The following PEX5L variants were observed in gnomAD, a reference collection of about 807,000 sequenced individuals.
PEX5L encodes PEX5-related protein.
PEX5L carries 30 observed loss-of-function variants against 84.0 expected under a neutral mutation model. The ratio of observed to expected loss-of-function variants is 0.36; its 90% CI spans 0.27 to 0.48. PEX5L has a LOEUF of 0.48. Ranked by LOEUF, PEX5L falls within the 20% of genes least tolerant of loss-of-function variation. The pLI, the probability that PEX5L is intolerant of heterozygous loss-of-function variation, is 0.99. For missense variants in PEX5L, 533 were observed against 754.6 expected (o/e 0.71, Z 3.44); for synonymous variants, 270 against 283.1 (o/e 0.95, Z 0.46).
intron 2 of PEX5L, among the ~76,000 whole-genome samples, chr3:179,950,174 C>T (rs1200246610): frequency 6.6e-6 from 1 of 152,194 alleles, no homozygotes. Context: ...TTTCCCACTG[C>T]CCTGTGGTGC....
At chr3:180,011,109 C>T (rs528650992) in intron 1 of PEX5L, among the ~76,000 whole-genome samples, 1 of 152,310 alleles carries the variant, frequency 6.6e-6, no homozygotes, top group East Asian at 1.9e-4. Context: ...TCTATCAAAA[C>T]TCTGTGAATT....
At chr3:179,857,098 T>C (rs1462090241) in intron 8 of PEX5L, among the ~76,000 whole-genome samples, 1 of 152,184 alleles carries the variant, frequency 6.6e-6, no homozygotes, top group Non-Finnish European at 1.5e-5. Context: ...TGAAGCCTTC[T>C]AGGATTTTGT....
chr3:179,834,920 T>G (rs1734406900), intron 8 of PEX5L, among the ~76,000 whole-genome samples: 1 of 152,210 alleles, frequency 6.6e-6, no homozygotes, highest in Admixed American at 6.5e-5. Flanking sequence ...GGTGGGCTCT[T>G]AATCCAATAC....
intron 3 of PEX5L, among the ~76,000 whole-genome samples, chr3:179,888,656 G>A (rs1461458358): frequency 6.6e-6 from 1 of 151,064 alleles, no homozygotes; most frequent in East Asian, 1.9e-4. Flanking sequence ...TTTTTTTTGG[G>A]GGGGGTGGGG....
rs1226370045 is a variant in PEX5L, at chr3:179,978,204, T to C, written c.22-6539A>G. On this transcript the variant is annotated intron_variant, in intron 1 of 14. Coordinates refer to ENST00000467460, the MANE Select transcript of PEX5L (RefSeq NM_016559.3). Reference sequence around the variant, plus strand: ...CAGCCTGGCAGTTCCCCCTTAATGCTGGTTTTTCTACCTTTAGGGTGGCTT... The same window carrying C: ...CAGCCTGGCAGTTCCCCCTTAATGCCGGTTTTTCTACCTTTAGGGTGGCTT... Among the ~76,000 whole-genome samples, 23 of 152,216 alleles carry C rather than the reference T, an allele frequency of 1.5e-4. 1 individual carries two copies. Among genetic ancestry groups the C allele is most frequent in the Admixed American group, 1.5e-3 (23 of 15,282 alleles).
intron 11 of PEX5L, among the ~76,000 whole-genome samples, chr3:179,810,452 A>T (rs1180226754): frequency 6.6e-6 from 1 of 152,166 alleles, no homozygotes; most frequent in Non-Finnish European, 1.5e-5. Context: ...TTTACAGGAG[A>T]CACAGGCTAA....
rs1392561893 is a variant in PEX5L at position 179,799,900 on chromosome 3, G to C, written c.*1928C>G. On this transcript the variant is annotated 3_prime_UTR_variant, in exon 15 of 15. Transcript: ENST00000467460. ...GAGAAGCACGGTCTGAGACTGGGTG[G>C]TCGCTGCTACCCATGATGAGTGCCT... The C allele has an allele frequency of 1.3e-5, 2 of 152,188 alleles. No homozygotes were observed. Among genetic ancestry groups the C allele is most frequent in the African/African-American group, 4.8e-5 (2 of 41,416 alleles). 9.4% of individuals were successfully genotyped at this position (152,188 alleles called of 1,614,324 possible).
chr3:179,894,730 T>C (rs991912095), intron 3 of PEX5L, among the ~76,000 whole-genome samples: 7 of 151,978 alleles, frequency 4.6e-5, no homozygotes, highest in African/African-American at 1.7e-4. Flanking sequence ...TACTGAGATA[T>C]AATGGGTGAT....
intron 10 of PEX5L, among the ~76,000 whole-genome samples, chr3:179,814,648 C>A (rs1339938415): frequency 1.3e-5 from 2 of 152,114 alleles, no homozygotes; most frequent in Non-Finnish European, 2.9e-5. Flanking sequence ...TTATGATAGG[C>A]CTTCACAGGT....
At chr3:180,034,693 T>C (rs1056589206) in intron 1 of PEX5L, among the ~76,000 whole-genome samples, 3 of 152,316 alleles carry the variant, frequency 2.0e-5, no homozygotes, top group African/African-American at 7.2e-5. Flanking sequence ...AAAAGTATTA[T>C]GCTCTGAAAT....
chr3:180,001,558 T>C (rs796442405), intron 1 of PEX5L, among the ~76,000 whole-genome samples: 17 of 152,082 alleles, frequency 1.1e-4, no homozygotes, highest in African/African-American at 3.9e-4. Context: ...GCTAAACCTA[T>C]GTACACATCT....
chr3:179,920,402 T>TTTA (rs1334558413), intron 2 of PEX5L, among the ~76,000 whole-genome samples: 1 of 152,230 alleles, frequency 6.6e-6, no homozygotes, highest in African/African-American at 2.4e-5. Flanking sequence ...ATCCCTCAGC[T>TTTA]TTAAGTGAGG....
intron 2 of PEX5L, among the ~76,000 whole-genome samples, chr3:179,903,086 G>T (rs1761954080): frequency 6.6e-6 from 1 of 151,892 alleles, no homozygotes; most frequent in Non-Finnish European, 1.5e-5. Flanking sequence ...TATAATACCA[G>T]CAATTAAACA....
chr3:180,019,108 A>G (rs1394382961), intron 1 of PEX5L, among the ~76,000 whole-genome samples: 1 of 152,094 alleles, frequency 6.6e-6, no homozygotes, highest in Non-Finnish European at 1.5e-5. Flanking sequence ...TGTGCCAAAC[A>G]ATCTTCTCCA....
chr3:179,837,732 A>G (rs1735497818), intron 8 of PEX5L, among the ~76,000 whole-genome samples: 1 of 152,168 alleles, frequency 6.6e-6, no homozygotes, highest in Non-Finnish European at 1.5e-5. Context: ...CTAGCTGAAC[A>G]TGGAGAAATC....
At chr3:179,868,203 A>G (rs1749058786) in intron 7 of PEX5L, among the ~76,000 whole-genome samples, 1 of 151,694 alleles carries the variant, frequency 6.6e-6, no homozygotes, top group South Asian at 2.1e-4. Context: ...TTTAGGAGCT[A>G]ATGGGTTGAT....
chr3:179,885,015 G>A (rs1219247138), intron 4 of PEX5L, among the ~76,000 whole-genome samples: 8 of 27,386 alleles, frequency 2.9e-4, no homozygotes, highest in South Asian at 4.0e-3. Context: ...GATTTCTTAC[G>A]AATTAAAAAT....
intron 14 of PEX5L, among the ~76,000 whole-genome samples, chr3:179,806,509 A>G (rs1401048917): frequency 1.3e-5 from 2 of 152,206 alleles, no homozygotes. Context: ...TGCAACAACT[A>G]TTTTCTAGGA....
chr3:179,920,927 A>AT (rs976359665), intron 2 of PEX5L, among the ~76,000 whole-genome samples: 39 of 152,298 alleles, frequency 2.6e-4, no homozygotes, highest in African/African-American at 9.4e-4. Flanking sequence ...TATACACAGT[A>AT]TTTTTTACAC....
Sources: allele counts gnomAD v4.1 joint callset (sites outside exome capture counted in the v4.1 genomes callset), GRCh38; gene constraint gnomAD v4.1.1; transcripts MANE v1.5; gene names NCBI Gene and HGNC (gene_info 2026-07-23, HGNC 2026-07-21).